The following AARSD1 variants were observed in gnomAD, a reference collection of about 807,000 sequenced individuals.
AARSD1 encodes alanyl-tRNA synthetase domain containing 1.
Under a neutral mutation model 48.7 loss-of-function variants are expected in AARSD1, and 44 were observed. The ratio of observed to expected loss-of-function variants is 0.90; its 90% confidence interval spans 0.71 to 1.16. The LOEUF is 1.16. Among genes scored for constraint, AARSD1 ranks in the 50% most tolerant of loss-of-function variants. AARSD1 has a pLI of 0.00. For missense variants in AARSD1, 511 were observed against 523.1 expected, an observed-to-expected ratio of 0.98 and a Z score of 0.23; for synonymous variants, 189 against 194.9, an observed-to-expected ratio of 0.97 and a Z score of 0.25.
At chr17:42,956,594 C>G (rs1409430118) in intron 4 of AARSD1, 34 bp from the exon 5 acceptor site, 1 of 1,519,132 alleles carries the variant, frequency 6.6e-7, no homozygotes, top group African/African-American at 1.4e-5. Context: ...GATAACATAT[C>G]TTACTGAACA....
In AARSD1 at chr17:42,954,677, C is replaced by T. The variant is rs565607188; in HGVS notation, c.953+199G>A. Among the ~76,000 whole-genome samples the T allele has an allele frequency of 2.6e-5, 4 of 152,290 alleles. No homozygotes were observed. The South Asian group carries it at 6.2e-4, about 24-fold the overall frequency. On this transcript the variant is annotated intron_variant, in intron 9 of 11. Coordinates refer to ENST00000427569, the MANE Select transcript of AARSD1 (RefSeq NM_001261434.2). ...TTCGAACTCCTGACCTTGTGATCCA[C>T]CCGCCTCAGCCTCCCAAAGTGCTGG...
chr17:42,961,432 A>G (rs1281462230), intron 2 of AARSD1, 81 bp from the exon 3 acceptor site: 1 of 1,590,960 alleles, frequency 6.3e-7, no homozygotes, highest in African/African-American at 1.4e-5. Flanking sequence ...CTAGGGTGAG[A>G]GACCCAGAAT....
intron 11 of AARSD1, 39 bp downstream of exon 11, chr17:42,951,761 G>A (rs2049481634): frequency 6.3e-6 from 10 of 1,597,696 alleles, no homozygotes; most frequent in South Asian, 1.1e-5. Flanking sequence ...GTAGGATACA[G>A]GCTCTACTAC....
chr17:42,959,436 G>A (rs774285312), intron 3 of AARSD1, among the ~76,000 whole-genome samples: 24 of 151,540 alleles, frequency 1.6e-4, no homozygotes, highest in Admixed American at 1.3e-3. Flanking sequence ...GGCTGGTCTC[G>A]AACTCCTGGC....
chr17:42,955,489 A>G (rs1235457827), intron 7 of AARSD1: 3 of 425,118 alleles, frequency 7.1e-6, no homozygotes, highest in Non-Finnish European at 1.2e-5. Context: ...CCCAGGCTGG[A>G]GTGCAGTGGA....
rs923298387 is a variant in AARSD1, at chr17:42,954,913, T to C, written c.916A>G (p.Asn306Asp). Residue 306 changes from asparagine to aspartate, a missense_variant, in exon 9 of 12, where the codon AAC (asparagine) becomes GAC (aspartate). Asn to Asp is a conservative substitution (Grantham distance 23). Transcript: ENST00000427569. ...ACCACACCTCCCCAGTCTGGACTGTTCCTGAGGCTATGGGCAATGTGCACA... is the reference window on the plus strand; with the variant it reads ...ACCACACCTCCCCAGTCTGGACTGTCCCTGAGGCTATGGGCAATGTGCACA... ...LAVHIAHSLR[N>D]SPDWGGVVIL... 6.2e-7 allele frequency: 1 copy of C among 1,614,176 alleles called. No individual in the cohort carries two copies. Among genetic ancestry groups the C allele is most frequent in the Admixed American group, 1.7e-5 (1 of 60,002 alleles).
intron 3 of AARSD1, among the ~76,000 whole-genome samples, chr17:42,958,600 T>TCG (rs1304903532): frequency 6.6e-6 from 1 of 151,670 alleles, no homozygotes; most frequent in African/African-American, 2.4e-5. Flanking sequence ...AGATGGAGTA[T>TCG]CGCTCTGTCA....
intron 4 of AARSD1, 51 bp from the exon 5 acceptor site, chr17:42,956,611 A>C (rs1201382545): frequency 1.3e-6 from 2 of 1,510,104 alleles, no homozygotes; most frequent in Non-Finnish European, 1.8e-6. Flanking sequence ...AACAAGAAAA[A>C]GCTGAAAGCT....
chr17:42,951,966 T>C, intron 10 of AARSD1, 72 bp from the exon 11 acceptor site: 1 of 1,488,442 alleles, frequency 6.7e-7, no homozygotes, highest in South Asian at 1.1e-5. Context: ...TCCTGCACTC[T>C]CTTCAATCTT....
intron 6 of AARSD1, 63 bp from the exon 7 acceptor site, chr17:42,956,035 C>G: frequency 5.0e-6 from 8 of 1,611,082 alleles, no homozygotes; most frequent in Non-Finnish European, 5.9e-6. Flanking sequence ...CACAGCGGAT[C>G]CTAGAACCTG....
Position 42,964,253 on chromosome 17 carries a change from T to C in AARSD1, c.40-16A>G, listed in dbSNP as rs1225148811. Reference sequence around the variant, plus strand: ...TGGTGGTGAACTGAACAGAGAGGAATGAGAGAATAAGCCCCGACCCCAGCC... The same window carrying C: ...TGGTGGTGAACTGAACAGAGAGGAACGAGAGAATAAGCCCCGACCCCAGCC... On this transcript the variant is annotated splice_polypyrimidine_tract_variant and intron_variant, in intron 1 of 11. Transcript: ENST00000427569. The C allele has an allele frequency of 1.3e-6, 2 of 1,590,508 alleles. No homozygotes were observed. The highest frequency in any genetic ancestry group is 3.6e-5 in the Admixed American group (2 of 56,246).
At chr17:42,957,299 T>G (rs996133967) in intron 3 of AARSD1, 104 bp from the exon 4 acceptor site, 21 of 1,473,746 alleles carry the variant, frequency 1.4e-5, no homozygotes, top group Non-Finnish European at 1.9e-5. Context: ...TTCTCCTTGT[T>G]GAAGACCTGC....
At chr17:42,962,558 G>A (rs924658348) in intron 2 of AARSD1, among the ~76,000 whole-genome samples, 2 of 152,182 alleles carry the variant, frequency 1.3e-5, no homozygotes, top group African/African-American at 4.8e-5. Flanking sequence ...AAGACTTCCT[G>A]AAAGAAATGC....
intron 11 of AARSD1, among the ~76,000 whole-genome samples, chr17:42,951,429 T>G (rs546994170): frequency 2.0e-5 from 3 of 152,224 alleles, no homozygotes; most frequent in Admixed American, 1.3e-4. Context: ...TATGTGCACC[T>G]GTAATCCCAG....
intron 4 of AARSD1, among the ~76,000 whole-genome samples, 194 bp downstream of exon 4, chr17:42,956,944 A>G (rs11653558): frequency 0.93 from 129,973 of 139,266 alleles, 61,365 homozygotes; most frequent in East Asian, 1. Flanking sequence ...TGGGATTACA[A>G]GCGTGAGCCA....
intron 11 of AARSD1, among the ~76,000 whole-genome samples, chr17:42,951,397 C>T (rs2049476823): frequency 6.6e-6 from 1 of 151,890 alleles, no homozygotes; most frequent in Non-Finnish European, 1.5e-5. Flanking sequence ...ACTAAAAATA[C>T]AAAAAATTGG....
In AARSD1 at chr17:42,956,228, A is replaced by G. The variant is rs1195442910; in HGVS notation, c.639T>C (p.His213=). The G allele has an allele frequency of 6.2e-7, 1 of 1,613,892 alleles. No homozygotes were observed. The highest frequency in any genetic ancestry group is 1.3e-5 in the African/African-American group (1 of 74,868). ...GVDSNMCCGT[H]VSNLSDLQVI... ...CCTGAAGGTCACTGAGATTGCTCAC[A>G]TGGGTCCCACAGCACATGTTGGAAT... The change falls in exon 6 of 12, where the codon CAT becomes CAC. Residue 213 remains histidine, a synonymous_variant. Transcript: ENST00000427569.
At chr17:42,954,052 C>T in intron 9 of AARSD1, 1 of 467,248 alleles carries the variant, frequency 2.1e-6, no homozygotes, top group Non-Finnish European at 3.9e-6. Flanking sequence ...AGGTAGGGGA[C>T]AGTCCTAAAG....
In AARSD1 at chr17:42,961,196, A is replaced by G; in HGVS notation, c.327T>C (p.His109=). ...WERRFDHMQQ[H]SGQHLITAVA... ...GTCCCCCATCCCAGCCTTTACCTGA[A>G]TGCTGCTGCATGTGGTCAAACCTCC... The change falls in exon 3 of 12, where the codon CAT becomes CAC. Residue 109 remains histidine (H), a synonymous_variant. Transcript: ENST00000427569. The G allele has an allele frequency of 6.2e-7, 1 of 1,610,716 alleles. No individual in the cohort carries two copies. The highest frequency in any genetic ancestry group is 8.5e-7 in the Non-Finnish European group (1 of 1,177,608).
Sources: gnomAD v4.1 joint callset for allele counts (sites outside exome capture counted in the v4.1 genomes callset) on GRCh38, gnomAD v4.1.1 for gene constraint, MANE v1.5 for transcripts, NCBI Gene and HGNC (gene_info 2026-07-23, HGNC 2026-07-21) for gene names.